RTL4: variants seen among roughly 807,000 people sequenced by gnomAD.
RTL4 encodes the protein retrotransposon Gag like 4.
A neutral mutation model predicts 5.3 loss-of-function variants in RTL4; 4 were observed. That is an observed-to-expected ratio of 0.75 (90% CI 0.37 to 1.72). The LOEUF (loss-of-function observed/expected upper bound fraction) is 1.72. RTL4 is among the 40% of genes most tolerant of loss of function. The pLI is 0.04. For missense variants in RTL4, 260 were observed against 227.1 expected, an observed-to-expected ratio of 1.14 and a Z score of -0.93; for synonymous variants, 98 against 87.3, an observed-to-expected ratio of 1.12 and a Z score of -0.68.
chrX:112,266,246 A>T, the RTL4 span, among the ~76,000 whole-genome samples: 1 of 111,536 alleles, frequency 9.0e-6, no homozygotes, highest in African/African-American at 3.3e-5. Flanking sequence ...CACTTCTGCA[A>T]TCCAATACTT....
At chrX:112,438,235 C>CT in the RTL4 span, among the ~76,000 whole-genome samples, 3 of 36,499 alleles carry the variant, frequency 8.2e-5, no homozygotes, top group African/African-American at 7.5e-4. Flanking sequence ...GCCAGGGATT[C>CT]ACTTCTAAGA....
At chrX:112,293,108 G>T in the RTL4 span, among the ~76,000 whole-genome samples, 1 of 112,081 alleles carries the variant, frequency 8.9e-6, no homozygotes, top group East Asian at 2.8e-4. Flanking sequence ...TATGATTCTT[G>T]TTTTCTCTTT....
the RTL4 span, among the ~76,000 whole-genome samples, chrX:112,093,307 T>C: frequency 9.0e-6 from 1 of 111,259 alleles, no homozygotes; most frequent in Admixed American, 9.6e-5. Flanking sequence ...TAACTATTAA[T>C]ACATGGCCTA....
chrX:112,413,147 A>G, the RTL4 span, among the ~76,000 whole-genome samples: 2 of 112,331 alleles, frequency 1.8e-5, no homozygotes, highest in Non-Finnish European at 3.8e-5. Context: ...AATCAAAACT[A>G]TGATGAGATA....
the RTL4 span, among the ~76,000 whole-genome samples, chrX:112,124,368 C>G: frequency 9.0e-6 from 1 of 111,464 alleles, no homozygotes; most frequent in East Asian, 2.8e-4. Context: ...GATGCATGCA[C>G]ACGTATGTTT....
chrX:112,181,135 G>A, the RTL4 span, among the ~76,000 whole-genome samples: 3 of 111,642 alleles, frequency 2.7e-5, no homozygotes, highest in Non-Finnish European at 3.8e-5. Flanking sequence ...TGTGAGGAAC[G>A]GTGCCTTCCT....
exon 1 of RTL4, chrX:112,455,222 C>A (rs772215118): frequency 1.7e-6 from 2 of 1,211,538 alleles, no homozygotes. Context: ...GACCCTGCTA[C>A]TTTCCACCTC....
At chrX:112,366,943 G>T in the RTL4 span, among the ~76,000 whole-genome samples, 11 of 111,475 alleles carry the variant, frequency 9.9e-5, no homozygotes, top group African/African-American at 3.6e-4. Context: ...CAAGGCATGG[G>T]CTCTCTGCTA....
At chrX:112,258,646 A>G in the RTL4 span, among the ~76,000 whole-genome samples, 1 of 110,483 alleles carries the variant, frequency 9.1e-6, no homozygotes, top group Non-Finnish European at 1.9e-5. Context: ...TTTTTGTCCT[A>G]TGTTACATTT....
the RTL4 span, among the ~76,000 whole-genome samples, chrX:112,117,706 G>A: frequency 1.8e-5 from 2 of 111,637 alleles, no homozygotes; most frequent in African/African-American, 6.5e-5. Flanking sequence ...ATGGGGAAAT[G>A]GGCACGTGTA....
chrX:112,308,542 C>A, the RTL4 span, among the ~76,000 whole-genome samples: 2 of 111,322 alleles, frequency 1.8e-5, no homozygotes, highest in African/African-American at 3.3e-5. Flanking sequence ...AAATGGAGGA[C>A]AGGTTGGGCT....
chrX:112,398,396 CTTTTTT>C, the RTL4 span, among the ~76,000 whole-genome samples: 1 of 72,135 alleles, frequency 1.4e-5, no homozygotes, highest in South Asian at 6.6e-4. Flanking sequence ...TTCTTTCTTT[CTTTTTT>C]TTTTTTTTTT....
the RTL4 span, among the ~76,000 whole-genome samples, chrX:112,154,087 ATTCT>A: frequency 1.8e-5 from 2 of 110,674 alleles, no homozygotes; most frequent in Non-Finnish European, 3.8e-5. Flanking sequence ...AAGTTTGCTG[ATTCT>A]TTCTTCCACC....
chrX:112,379,397 T>C, the RTL4 span, among the ~76,000 whole-genome samples: 1 of 112,605 alleles, frequency 8.9e-6, no homozygotes, highest in South Asian at 3.7e-4. Flanking sequence ...TAATTAATTC[T>C]AGTAGTTTGT....
chrX:112,098,098 A>C, the RTL4 span, among the ~76,000 whole-genome samples: 2 of 103,060 alleles, frequency 1.9e-5, no homozygotes, highest in African/African-American at 7.1e-5. Flanking sequence ...TCCTAATGCT[A>C]TCTCTCCCCC....
chrX:112,095,261 G>A, the RTL4 span, among the ~76,000 whole-genome samples: 1 of 111,394 alleles, frequency 9.0e-6, no homozygotes, highest in East Asian at 2.8e-4. Flanking sequence ...AGTAGTAGGA[G>A]ATGAGATCAT....
At chrX:112,110,181 T>A in the RTL4 span, among the ~76,000 whole-genome samples, 5 of 111,955 alleles carry the variant, frequency 4.5e-5, no homozygotes, top group Non-Finnish European at 9.4e-5. Flanking sequence ...TCTCATACTA[T>A]CCCTGACTGG....
chrX:112,331,225 A>G, the RTL4 span, among the ~76,000 whole-genome samples: 1 of 106,893 alleles, frequency 9.4e-6, no homozygotes, highest in Admixed American at 1.0e-4. Context: ...CAGGCAACCT[A>G]CAAAATGGGA....
chrX:112,084,618 C>T, the RTL4 span, among the ~76,000 whole-genome samples: 1 of 111,249 alleles, frequency 9.0e-6, no homozygotes, highest in Admixed American at 9.6e-5. Flanking sequence ...TGTGATTAAG[C>T]CGTCTTCCCT....
Sources: gnomAD v4.1 joint callset for allele counts (sites outside exome capture counted in the v4.1 genomes callset) on GRCh38, gnomAD v4.1.1 for gene constraint, MANE v1.5 for transcripts, NCBI Gene and HGNC (gene_info 2026-07-23, HGNC 2026-07-21) for gene names.